The following XPO4 variants were observed in gnomAD, a reference collection of about 807,000 sequenced individuals.
XPO4 encodes the protein exportin-4.
Under a neutral mutation model 143.0 loss-of-function variants are expected in XPO4, and 39 were observed. The observed-to-expected ratio is 0.27, with a 90% CI of 0.21 to 0.36. XPO4 has a LOEUF of 0.36. XPO4 is among the 10% of genes least tolerant of loss of function. The pLI, the probability that XPO4 is intolerant of heterozygous loss-of-function variation, is 1.00. For synonymous variants in XPO4, 439 were observed against 474.0 expected (o/e 0.93, Z 0.96); for missense variants, 907 against 1,348.0 (o/e 0.67, Z 5.12).
intron 4 of XPO4, chr13:20,851,001 A>G (rs780596224): frequency 1.0e-6 from 1 of 985,302 alleles, no homozygotes; most frequent in Non-Finnish European, 1.2e-6. Context: ...TCACCTTTAT[A>G]AAGAAAGTTT....
chr13:20,789,644 G>A (rs1249076482), intron 19 of XPO4, among the ~76,000 whole-genome samples: 1 of 151,312 alleles, frequency 6.6e-6, no homozygotes, highest in Non-Finnish European at 1.5e-5. Context: ...TCCTGACTTC[G>A]TGATCCACCC....
chr13:20,901,035 C>T (rs1481348952), intron 1 of XPO4, among the ~76,000 whole-genome samples: 1 of 152,178 alleles, frequency 6.6e-6, no homozygotes, highest in Non-Finnish European at 1.5e-5. Flanking sequence ...GAAAGACACA[C>T]AGCTTTAGAG....
chr13:20,901,835 C>T (rs1009843319), intron 1 of XPO4, among the ~76,000 whole-genome samples: 1 of 152,228 alleles, frequency 6.6e-6, no homozygotes, highest in African/African-American at 2.4e-5. Flanking sequence ...CATCTACAAA[C>T]ACCGAAGTCA....
At chr13:20,861,777 C>CTCTTTTTTT (rs1370810623) in intron 3 of XPO4, among the ~76,000 whole-genome samples, 2 of 73,394 alleles carry the variant, frequency 2.7e-5, no homozygotes, top group African/African-American at 9.6e-5. Context: ...ACATTTCTCT[C>CTCTTTTTTT]TTTTTTTTTT....
At chr13:20,831,661 T>A (rs2059853086) in intron 6 of XPO4, among the ~76,000 whole-genome samples, 1 of 152,108 alleles carries the variant, frequency 6.6e-6, no homozygotes, top group African/African-American at 2.4e-5. Context: ...CACAATTCCA[T>A]CAATAAGAAA....
chr13:20,804,234 A>ATT (rs891768101), intron 13 of XPO4, among the ~76,000 whole-genome samples: 3 of 150,192 alleles, frequency 2.0e-5, no homozygotes, highest in African/African-American at 4.9e-5. Context: ...ACACACACAC[A>ATT]TTATATATAT....
chr13:20,843,107 T>C, intron 5 of XPO4, 59 bp from the exon 6 acceptor site: 2 of 1,454,858 alleles, frequency 1.4e-6, no homozygotes, highest in Non-Finnish European at 1.9e-6. Flanking sequence ...TGTATCCCCT[T>C]TTAGAATCAT....
intron 1 of XPO4, 89 bp from the exon 2 acceptor site, chr13:20,868,790 C>T: frequency 7.9e-7 from 1 of 1,273,826 alleles, no homozygotes; most frequent in Middle Eastern, 1.9e-4. Flanking sequence ...ACAGAAAATG[C>T]CTTCACTTTT....
chr13:20,796,317 A>T (rs1056277748), intron 17 of XPO4, 61 bp from the exon 18 acceptor site: 66 of 1,279,400 alleles, frequency 5.2e-5, no homozygotes, highest in South Asian at 1.7e-4. Context: ...AAAAAATTTT[A>T]AAATATAATC....
At chr13:20,816,399 T>C (rs1050860472) in intron 9 of XPO4, among the ~76,000 whole-genome samples, 4 of 152,228 alleles carry the variant, frequency 2.6e-5, no homozygotes, top group Admixed American at 6.5e-5. Context: ...TTTAGAAGTC[T>C]TTGAATGTCA....
intron 14 of XPO4, 105 bp downstream of exon 14, chr13:20,800,726 C>A: frequency 7.1e-7 from 1 of 1,414,770 alleles, no homozygotes; most frequent in Non-Finnish European, 9.6e-7. Context: ...TTAAACTGCT[C>A]TTAAACAGTT....
At chr13:20,888,128 T>C (rs2060477255) in intron 1 of XPO4, among the ~76,000 whole-genome samples, 2 of 145,620 alleles carry the variant, frequency 1.4e-5, no homozygotes, top group South Asian at 2.1e-4. Context: ...TGAGCCAAGA[T>C]TGTGCCATTG....
chr13:20,859,548 G>A (rs142793152), intron 3 of XPO4, among the ~76,000 whole-genome samples: 25 of 151,134 alleles, frequency 1.7e-4, no homozygotes, highest in African/African-American at 4.9e-4. Context: ...TTCAGTGAGC[G>A]GAGATCACGC....
chr13:20,896,670 A>T (rs541293298), intron 1 of XPO4, among the ~76,000 whole-genome samples: 21 of 152,272 alleles, frequency 1.4e-4, no homozygotes, highest in African/African-American at 4.8e-4. Context: ...TCACCTGCAA[A>T]TAATCATTTT....
intron 4 of XPO4, among the ~76,000 whole-genome samples, chr13:20,854,112 G>GA (rs2060117429): frequency 6.6e-6 from 1 of 151,670 alleles, no homozygotes; most frequent in African/African-American, 2.4e-5. Context: ...TAAAGTTAAG[G>GA]AAAAAAAAGA....
intron 2 of XPO4, among the ~76,000 whole-genome samples, chr13:20,864,208 G>C (rs1399466551): frequency 6.6e-6 from 1 of 151,132 alleles, no homozygotes; most frequent in Non-Finnish European, 1.5e-5. Flanking sequence ...TAGAAAAGAT[G>C]TGTTTAAAAC....
At chr13:20,876,133 A>G (rs576911139) in intron 1 of XPO4, among the ~76,000 whole-genome samples, 34 of 150,768 alleles carry the variant, frequency 2.3e-4, no homozygotes, top group African/African-American at 7.8e-4. Context: ...GTGGTGGCAC[A>G]TGCCTGTAAA....
chr13:20,892,105 C>G (rs934998361), intron 1 of XPO4, among the ~76,000 whole-genome samples: 3 of 151,712 alleles, frequency 2.0e-5, no homozygotes, highest in Non-Finnish European at 2.9e-5. Flanking sequence ...CGGCTCACTC[C>G]AAGTGCAGTA....
rs1050271899 is a variant in XPO4 at position 20,808,319 on chromosome 13, G to A, written c.1639+117C>T. 29 of 1,117,206 alleles carry A rather than the reference G, an allele frequency of 2.6e-5. No individual in the cohort carries two copies. In the Admixed American group the frequency reaches 6.4e-4, roughly 25 times the overall value. 69.2% of individuals were successfully genotyped at this position (1,117,206 alleles called of 1,614,324 possible). Reference sequence around the variant, plus strand: ...CATAGTTCTATGACAGAAAATGGCTGTATCCAAATTTTATCCAATATTATA... The same window carrying A: ...CATAGTTCTATGACAGAAAATGGCTATATCCAAATTTTATCCAATATTATA... On this transcript the variant is annotated intron_variant, in intron 12 of 22. Transcript: ENST00000255305.
Sources: allele counts gnomAD v4.1 joint callset (sites outside exome capture counted in the v4.1 genomes callset), GRCh38; gene constraint gnomAD v4.1.1; transcripts MANE v1.5; gene names NCBI Gene and HGNC (gene_info 2026-07-23, HGNC 2026-07-21).